The following SERINC2 variants were observed in gnomAD, a reference collection of about 807,000 sequenced individuals.
SERINC2 encodes the protein serine incorporator 2, also known as tumor differentially expressed protein 2.
SERINC2 carries 56 observed loss-of-function variants against 54.2 expected under a neutral mutation model. The observed-to-expected ratio is 1.03, with a 90% CI of 0.83 to 1.29. The LOEUF (loss-of-function observed/expected upper bound fraction) is 1.29, where lower values mean the gene tolerates loss of function less well. Among genes scored for constraint, SERINC2 ranks in the 50% most tolerant of loss-of-function variants. The pLI, the probability that SERINC2 is intolerant of heterozygous loss-of-function variation, is 0.00. For missense variants in SERINC2, 614 were observed against 607.4 expected (o/e 1.01, Z -0.12); for synonymous variants, 272 against 253.1 (o/e 1.07, Z -0.71).
intron 8 of SERINC2, among the ~76,000 whole-genome samples, chr1:31,432,242 C>T (rs1553134794): frequency 3.1e-5 from 4 of 130,406 alleles, no homozygotes; most frequent in African/African-American, 1.1e-4. Context: ...GACCCACTGA[C>T]TCACAGCAAG....
At chr1:31,431,490 C>A (rs75762748) in intron 8 of SERINC2, among the ~76,000 whole-genome samples, 49 of 151,960 alleles carry the variant, frequency 3.2e-4, no homozygotes, top group African/African-American at 1.2e-3. Context: ...ACATGGTGGC[C>A]GGTGGCCAAG....
At chr1:31,414,061 G>A (rs1640714041) in intron 1 of SERINC2, 3 of 1,500,486 alleles carry the variant, frequency 2.0e-6, no homozygotes, top group African/African-American at 2.8e-5. Flanking sequence ...CTCGAGTGAG[G>A]CGGGTGCGGG....
chr1:31,421,257 G>T (rs930934284), intron 1 of SERINC2, among the ~76,000 whole-genome samples: 1 of 152,136 alleles, frequency 6.6e-6, no homozygotes, highest in Non-Finnish European at 1.5e-5. Flanking sequence ...AACCATATCT[G>T]CCCCCTGCCA....
At chr1:31,415,917 G>A in intron 1 of SERINC2, 3 of 985,606 alleles carry the variant, frequency 3.0e-6, no homozygotes, top group Non-Finnish European at 3.6e-6. Flanking sequence ...GGTGGGTCCT[G>A]CTTTGGATGG....
At chr1:31,420,062 C>T (rs1383620757) in intron 1 of SERINC2, among the ~76,000 whole-genome samples, 3 of 152,130 alleles carry the variant, frequency 2.0e-5, no homozygotes, top group African/African-American at 7.2e-5. Context: ...CAATGAATTT[C>T]CATGTGTTTG....
intron 5 of SERINC2, chr1:31,426,142 T>A (rs782294791): frequency 5.8e-6 from 3 of 520,266 alleles, no homozygotes; most frequent in Non-Finnish European, 1.0e-5. Context: ...TGGAGGGGTC[T>A]TGTTTGGGGG....
At chr1:31,432,083 T>TTAGGGTGGA (rs1557501058) in intron 8 of SERINC2, among the ~76,000 whole-genome samples, 3 of 19,398 alleles carry the variant, frequency 1.5e-4, no homozygotes, top group African/African-American at 2.8e-4. Flanking sequence ...GACAGGGTGG[T>TTAGGGTGGA]TAGGGTGGAC....
intron 8 of SERINC2, among the ~76,000 whole-genome samples, chr1:31,431,315 T>TC (rs1641191536): frequency 6.6e-6 from 1 of 151,562 alleles, no homozygotes; most frequent in African/African-American, 2.4e-5. Context: ...TTTTTTTTTT[T>TC]TGTAGAGACA....
rs1557501567 is a variant in SERINC2, at chr1:31,432,149, GGGTGGAC to G, written c.1014-817_1014-811del. Among the ~76,000 whole-genome samples the G allele has an allele frequency of 1.4e-4, 20 of 142,972 alleles. 3 individuals are homozygous for G. Among genetic ancestry groups the G allele is most frequent in the South Asian group, 1.1e-3 (5 of 4,448 alleles). 93.8% of individuals were successfully genotyped at this position (142,972 alleles called of 152,430 possible). A position where few individuals can be genotyped will look rare whatever the true frequency, so the allele number is the denominator to read the frequency against. On this transcript the variant is annotated intron_variant, in intron 8 of 9. Coordinates refer to ENST00000373709, the MANE Select transcript of SERINC2 (RefSeq NM_178865.5). ...GTGGATAGGGTGGACAGGGTGGACA[GGGTGGAC>G]AGGGTGGATAGGGTGGATAGGGTGG... is the stretch of plus-strand genomic sequence containing the variant.
At chr1:31,432,048 C>CAGGGTGGATAGGGTGGAT (rs1641268657) in intron 8 of SERINC2, among the ~76,000 whole-genome samples, 1 of 17,472 alleles carries the variant, frequency 5.7e-5, no homozygotes, top group Non-Finnish European at 1.1e-4. Flanking sequence ...ACAGGGTGGA[C>CAGGGTGGATAGGGTGGAT]AGGGTGGACA....
chr1:31,431,496 C>T (rs569733226), intron 8 of SERINC2, among the ~76,000 whole-genome samples: 2 of 151,984 alleles, frequency 1.3e-5, no homozygotes, highest in Non-Finnish European at 1.5e-5. Flanking sequence ...TGGCCGGTGG[C>T]CAAGGAGCTT....
In SERINC2 at chr1:31,434,136, G is replaced by A; in HGVS notation, c.1305G>A (p.Gly435=). Residue 435 remains glycine (G), a synonymous_variant, in exon 10 of 10, where the codon GGG becomes GGA. Coordinates refer to ENST00000373709, the MANE Select transcript of SERINC2 (RefSeq NM_178865.5). ...TGAAGATCTGTGCCAGCTGGGCAGG[G>A]CTGCTCCTCTACCTGTGGACCCTGG... ...VWVKICASWA[G]LLLYLWTLVA... 1 of 1,613,914 alleles carries A rather than the reference G, an allele frequency of 6.2e-7. No individual in the cohort carries two copies. Among genetic ancestry groups the A allele is most frequent in the Non-Finnish European group, 8.5e-7 (1 of 1,179,960 alleles).
upstream of SERINC2, among the ~76,000 whole-genome samples, chr1:31,412,895 G>T (rs1373460246): frequency 1.3e-5 from 2 of 152,184 alleles, no homozygotes; most frequent in East Asian, 3.9e-4. Flanking sequence ...AGGAGTCAGC[G>T]GTGACCACCT....
rs1340653685 is a variant in SERINC2 at position 31,413,736 on chromosome 1, G to A, written c.39+432G>A. ...AGGTCGCCCGGGCCCCGTCCCTCCT[G>A]GCGAGTGCCCTGCCCTACCCCTCTG... On this transcript the variant is annotated intron_variant, in intron 1 of 9. Transcript: ENST00000373709. The surrounding 1 kb of genome is among the most constrained non-coding windows in gnomAD (Gnocchi z 5.0). 1.5e-6 allele frequency: 2 copies of A among 1,317,812 alleles called. No individual in the cohort carries two copies. The highest frequency in any genetic ancestry group is 2.1e-5 in the South Asian group (1 of 48,358). The allele number at this position is 1,317,812 out of a possible 1,614,324, so 81.6% of individuals were successfully genotyped here.
Position 31,433,015 on chromosome 1 carries a change from G to C in SERINC2, c.1062G>C (p.Glu354Asp), listed in dbSNP as rs1641361730. 2 of 1,609,202 alleles carry C rather than the reference G, an allele frequency of 1.2e-6. No homozygotes were observed. The highest frequency in any genetic ancestry group is 1.7e-6 in the Non-Finnish European group (2 of 1,179,254). The change falls in exon 9 of 10, where the codon GAG becomes GAC. Residue 354 changes from glutamate (E) to aspartate (D), a missense_variant. Glu to Asp is a conservative substitution (Grantham distance 45, BLOSUM62 2). Transcript: ENST00000373709. ...HRQVNSLMQT[E>D]ECPPMLDATQ... ...AGGTGAACAGCCTGATGCAGACCGA[G>C]GAGTGCCCACCTATGCTAGACGCCA...
upstream of SERINC2, chr1:31,410,405 AGAG>A (rs1366761798): frequency 3.9e-6 from 6 of 1,548,064 alleles, no homozygotes; most frequent in South Asian, 2.4e-5. Flanking sequence ...TGAGGCTGAG[AGAG>A]GAGGAGTCAC....
intron 8 of SERINC2, 21 bp from the exon 9 acceptor site, chr1:31,432,946 A>C (rs1553134972): frequency 6.3e-7 from 1 of 1,584,674 alleles, no homozygotes; most frequent in Non-Finnish European, 8.6e-7. Context: ...CTATTTGCCC[A>C]CCTTCCTCCC....
chr1:31,425,808 C>T lies in SERINC2; in HGVS notation c.505C>T (p.Leu169Phe), dbSNP rs868927057. The part of the protein sequence containing the change: ...WFYFGVVGSF[L>F]FILIQLVLLI... ...CTACTTCGGCGTCGTGGGCTCCTTCCTCTTCATCCTCATCCAGCTGGTGCT... is the reference window on the plus strand; with the variant it reads ...CTACTTCGGCGTCGTGGGCTCCTTCTTCTTCATCCTCATCCAGCTGGTGCT... Residue 169 changes from leucine (L) to phenylalanine (F), a missense_variant, in exon 5 of 10, where the codon CTC becomes TTC. Transcript: ENST00000373709. The T allele has an allele frequency of 2.2e-5, 36 of 1,613,604 alleles. No individual in the cohort carries two copies. In the Middle Eastern group the frequency reaches 1.9e-3, roughly 85 times the overall value.
chr1:31,414,730 G>A (rs1553132022), intron 1 of SERINC2: 1 of 985,348 alleles, frequency 1.0e-6, no homozygotes, highest in Non-Finnish European at 1.2e-6. Flanking sequence ...TTCCTGGTGA[G>A]GGAGGCAGAG....
Sources: allele counts gnomAD v4.1 joint callset (sites outside exome capture counted in the v4.1 genomes callset), GRCh38; gene constraint gnomAD v4.1.1; non-coding constraint Gnocchi (gnomAD v3.1); transcripts MANE v1.5; gene names NCBI Gene and HGNC (gene_info 2026-07-23, HGNC 2026-07-21).